KLF8: variants seen among roughly 807,000 people sequenced by gnomAD.
The protein encoded by KLF8 is Krueppel-like factor 8.
A neutral mutation model predicts 18.2 loss-of-function variants in KLF8; 10 were observed. That is an observed-to-expected ratio of 0.55 (90% CI 0.34 to 0.93). The LOEUF (loss-of-function observed/expected upper bound fraction) is 0.93, where lower values mean the gene tolerates loss of function less well. KLF8 is among the 40% of genes least tolerant of loss of function. The pLI, the probability that KLF8 is intolerant of heterozygous loss-of-function variation, is 0.02. For synonymous variants in KLF8, 109 were observed against 97.3 expected (o/e 1.12, Z -0.71); for missense variants, 264 against 277.9 (o/e 0.95, Z 0.36).
At chrX:56,144,259 A>G in the KLF8 span, among the ~76,000 whole-genome samples, 1 of 111,733 alleles carries the variant, frequency 8.9e-6, no homozygotes, top group Non-Finnish European at 1.9e-5. Context: ...ATGACCTTGC[A>G]TTTGGGATTG....
chrX:55,946,524 A>G, the KLF8 span, among the ~76,000 whole-genome samples: 1 of 112,101 alleles, frequency 8.9e-6, no homozygotes, highest in Non-Finnish European at 1.9e-5. Context: ...ACCTCAAACC[A>G]TAAAAACCCT....
chrX:55,921,236 C>G, the KLF8 span, among the ~76,000 whole-genome samples: 2 of 111,899 alleles, frequency 1.8e-5, no homozygotes, highest in East Asian at 5.6e-4. Context: ...AGGAAGGGGT[C>G]CAGTTTTAAT....
At chrX:56,215,818 G>A in the KLF8 span, among the ~76,000 whole-genome samples, 1 of 41,364 alleles carries the variant, frequency 2.4e-5, no homozygotes, top group Admixed American at 3.9e-4. Flanking sequence ...GTGAGACTCT[G>A]TCTCAAAAAA....
At chrX:56,001,026 G>A in the KLF8 span, among the ~76,000 whole-genome samples, 1 of 111,603 alleles carries the variant, frequency 9.0e-6, no homozygotes, top group Non-Finnish European at 1.9e-5. Context: ...AAGCACCACA[G>A]CCATATTTAC....
chrX:56,008,137 T>TATATATATATATATAC, the KLF8 span, among the ~76,000 whole-genome samples: 475 of 106,413 alleles, frequency 4.5e-3, 4 homozygotes, highest in African/African-American at 0.016. Flanking sequence ...TATATATATA[T>TATATATATATATATAC]ACACACACAA....
At chrX:55,970,549 G>A in the KLF8 span, among the ~76,000 whole-genome samples, 1 of 111,720 alleles carries the variant, frequency 9.0e-6, no homozygotes. Flanking sequence ...ATTCAACGTA[G>A]TACTGCAAGT....
intron 1 of KLF8, among the ~76,000 whole-genome samples, chrX:56,239,823 A>T (rs1345154524): frequency 3.6e-5 from 4 of 111,927 alleles, no homozygotes; most frequent in Non-Finnish European, 5.6e-5. Flanking sequence ...GTTTTCTTTT[A>T]AAAAAATTGG....
At chrX:56,089,165 C>G in the KLF8 span, among the ~76,000 whole-genome samples, 1 of 111,634 alleles carries the variant, frequency 9.0e-6, no homozygotes, top group East Asian at 2.8e-4. Context: ...TTACTCTTAC[C>G]TCTCAATTTG....
chrX:56,129,599 G>A, the KLF8 span, among the ~76,000 whole-genome samples: 3 of 111,722 alleles, frequency 2.7e-5, no homozygotes, highest in African/African-American at 9.8e-5. Flanking sequence ...AGGAACTGGG[G>A]AAAGACCAAA....
the KLF8 span, among the ~76,000 whole-genome samples, chrX:56,176,597 C>T: frequency 9.0e-6 from 1 of 110,599 alleles, no homozygotes; most frequent in Non-Finnish European, 1.9e-5. Context: ...TTGCTCTTCT[C>T]GAGGAATATC....
chrX:56,028,654 T>C, the KLF8 span, among the ~76,000 whole-genome samples: 1 of 111,426 alleles, frequency 9.0e-6, no homozygotes, highest in Non-Finnish European at 1.9e-5. Flanking sequence ...AGCCAACGCC[T>C]CCCTGAAGAT....
the KLF8 span, among the ~76,000 whole-genome samples, chrX:56,115,461 C>T: frequency 9.0e-6 from 1 of 111,345 alleles, no homozygotes; most frequent in African/African-American, 3.3e-5. Context: ...CAGTTGACAG[C>T]TAAAATTTCT....
the KLF8 span, among the ~76,000 whole-genome samples, chrX:56,121,487 G>A: frequency 8.9e-6 from 1 of 112,222 alleles, no homozygotes; most frequent in Non-Finnish European, 1.9e-5. Flanking sequence ...TAGTTTTCAC[G>A]TGGCTGTAAT....
At chrX:56,221,152 A>T in the KLF8 span, among the ~76,000 whole-genome samples, 1 of 112,209 alleles carries the variant, frequency 8.9e-6, no homozygotes, top group African/African-American at 3.2e-5. Flanking sequence ...AAATGGGAAA[A>T]AATAATACTG....
At chrX:55,988,334 G>A in the KLF8 span, among the ~76,000 whole-genome samples, 1 of 111,193 alleles carries the variant, frequency 9.0e-6, no homozygotes, top group Non-Finnish European at 1.9e-5. Context: ...TATGGTTTTA[G>A]GTCTAACATG....
the KLF8 span, among the ~76,000 whole-genome samples, chrX:56,004,822 A>G: frequency 5.4e-5 from 6 of 110,877 alleles, no homozygotes; most frequent in Non-Finnish European, 1.1e-4. Context: ...TAACAGCATA[A>G]TCATGAGGTT....
chrX:55,912,505 A>G, the KLF8 span, among the ~76,000 whole-genome samples: 1 of 111,308 alleles, frequency 9.0e-6, no homozygotes, highest in South Asian at 3.8e-4. Flanking sequence ...TTCAGCACTC[A>G]AGTTTCATGC....
chrX:56,010,924 T>C, the KLF8 span, among the ~76,000 whole-genome samples: 2 of 112,439 alleles, frequency 1.8e-5, no homozygotes, highest in Admixed American at 1.9e-4. Context: ...AAGAGCTAAT[T>C]ATCCTAAATA....
Position 56,270,234 on chromosome X carries a change from A to G in KLF8, c.811A>G (p.Arg271Gly). The change falls in exon 5 of 6, where the codon AGA becomes GGA. Residue 271 changes from arginine (R) to glycine (G), a missense_variant. Physicochemically the swap from Arg to Gly is moderately radical, Grantham distance 125. Around this residue, in one of 2 missense-constraint regions of KLF8, gnomAD observed 43 missense variants for 84.3 expected, o/e 0.51. Coordinates refer to ENST00000468660, the MANE Select transcript of KLF8 (RefSeq NM_007250.5). ...QGEESLDLKR[R>G]RIHQCDFAGC... is the part of the protein sequence containing the mutation. ...AGAAGAGTCGCTTGACTTGAAGAGA[A>G]GACGGATTCACCAATGTGACTTTGC... The G allele has an allele frequency of 1.7e-6, 2 of 1,209,758 alleles. No individual in the cohort carries two copies. The highest frequency in any genetic ancestry group is 2.2e-6 in the Non-Finnish European group (2 of 894,473).
Sources: allele counts gnomAD v4.1 joint callset (sites outside exome capture counted in the v4.1 genomes callset), GRCh38; gene constraint gnomAD v4.1.1; regional missense constraint gnomAD v4.1.1; transcripts MANE v1.5; gene names NCBI Gene and HGNC (gene_info 2026-07-23, HGNC 2026-07-21).